RBFOX1: variants seen among roughly 807,000 people sequenced by gnomAD.
RBFOX1 encodes the protein RNA binding protein fox-1 homolog 1.
Under a neutral mutation model 57.7 loss-of-function variants are expected in RBFOX1, and 8 were observed. The observed-to-expected ratio is 0.14, with a 90% confidence interval of 0.08 to 0.25. The LOEUF is 0.25. Ranked by LOEUF, RBFOX1 falls within the 10% of genes least tolerant of loss-of-function variation. The pLI, the probability that RBFOX1 is intolerant of heterozygous loss-of-function variation, is 1.00. For missense variants in RBFOX1, 611 were observed against 548.5 expected (o/e 1.11, Z -1.14); for synonymous variants, 326 against 222.4 (o/e 1.47, Z -4.15).
chr16:7,485,736 C>A (rs902018595), intron 4 of RBFOX1, among the ~76,000 whole-genome samples: 2 of 152,154 alleles, frequency 1.3e-5, no homozygotes, highest in East Asian at 3.8e-4. Context: ...AATGTATGTA[C>A]ATATATGTAT....
At chr16:6,634,010 C>A (rs975561033) in intron 2 of RBFOX1, among the ~76,000 whole-genome samples, 1 of 152,106 alleles carries the variant, frequency 6.6e-6, no homozygotes, top group Non-Finnish European at 1.5e-5. Flanking sequence ...AGTAAGACCC[C>A]ATCTCAAAGA....
At chr16:5,293,789 G>GTTATTT (rs1287031343) in intron 1 of RBFOX1, among the ~76,000 whole-genome samples, 1 of 123,992 alleles carries the variant, frequency 8.1e-6, no homozygotes, top group Non-Finnish European at 1.7e-5. Flanking sequence ...TGGATACAGG[G>GTTATTT]TTATTTTTTG....
At chr16:6,919,131 C>G (rs531578318) in intron 3 of RBFOX1, among the ~76,000 whole-genome samples, 1 of 152,066 alleles carries the variant, frequency 6.6e-6, no homozygotes, top group African/African-American at 2.4e-5. Flanking sequence ...AGGCACCTGC[C>G]ATCGTGCCTG....
intron 4 of RBFOX1, among the ~76,000 whole-genome samples, chr16:7,509,519 C>A (rs1345333904): frequency 1.3e-5 from 2 of 151,522 alleles, no homozygotes; most frequent in South Asian, 2.1e-4. Flanking sequence ...ATCATTGGTC[C>A]CATTAAACAG....
intron 4 of RBFOX1, among the ~76,000 whole-genome samples, chr16:5,953,729 A>T (rs368548709): frequency 5.3e-5 from 7 of 132,280 alleles, no homozygotes; most frequent in East Asian, 2.1e-4. Context: ...TATATATAAA[A>T]AACACATTTT....
At chr16:7,676,860 C>G (rs768332582) in intron 14 of RBFOX1, 22 bp downstream of exon 14, 1 of 1,592,374 alleles carries the variant, frequency 6.3e-7, no homozygotes, top group Non-Finnish European at 8.6e-7. Context: ...CCTTCTTGTG[C>G]TTGACAACTA....
At position 6,940,879 on chromosome 16, in the gene RBFOX1, G is replaced by GTGTTTGTGTGTGTGTGTGTGTGTT. The variant is rs1555653224; in HGVS notation, c.-15-111175_-15-111174insTTGTGTGTGTGTGTGTGTGTTTGT. ...TGTGTGTGTGTGTGTGTGTGTGTGT[G>GTGTTTGTGTGTGTGTGTGTGTGTT]TGTGTGTGTGTTAGAGATGGGGTTT... On this transcript the variant is annotated intron_variant, in intron 3 of 15. Coordinates refer to ENST00000550418, the MANE Select transcript of RBFOX1 (RefSeq NM_018723.4). Among the ~76,000 whole-genome samples, 51 of 138,654 alleles carry GTGTTTGTGTGTGTGTGTGTGTGTT rather than the reference G, an allele frequency of 3.7e-4. 1 individual carries two copies. Among genetic ancestry groups the GTGTTTGTGTGTGTGTGTGTGTGTT allele is most frequent in the African/African-American group, 1.1e-3 (41 of 35,918 alleles). The allele number at this position is 138,654 out of a possible 152,430, so 91.0% of individuals were successfully genotyped here.
At chr16:7,360,360 G>C (rs2097298147) in intron 4 of RBFOX1, among the ~76,000 whole-genome samples, 1 of 152,190 alleles carries the variant, frequency 6.6e-6, no homozygotes, top group Non-Finnish European at 1.5e-5. Flanking sequence ...TGGTGGCTCT[G>C]CTGCTTCATA....
chr16:6,323,410 C>T (rs1041060769), intron 2 of RBFOX1, among the ~76,000 whole-genome samples: 1 of 152,150 alleles, frequency 6.6e-6, no homozygotes, highest in Non-Finnish European at 1.5e-5. Context: ...TGGAGGAGTT[C>T]TGAGGGCATG....
chr16:5,884,427 T>C (rs1238066053), intron 4 of RBFOX1, among the ~76,000 whole-genome samples: 3 of 151,696 alleles, frequency 2.0e-5, no homozygotes, highest in Admixed American at 6.6e-5. Flanking sequence ...TCCACCAAAA[T>C]CCATCTGTTC....
intron 1 of RBFOX1, among the ~76,000 whole-genome samples, chr16:6,125,852 C>T (rs1405797442): frequency 6.6e-6 from 1 of 152,158 alleles, no homozygotes; most frequent in Non-Finnish European, 1.5e-5. Context: ...AACCTTCCTA[C>T]TGATACTGCC....
chr16:7,709,443 A>G, intron 15 of RBFOX1: 3 of 1,377,026 alleles, frequency 2.2e-6, no homozygotes, highest in South Asian at 3.0e-5. Context: ...GTGTCAATGC[A>G]GAACTTTTTT....
At chr16:7,571,488 C>A (rs562626097) in intron 5 of RBFOX1, among the ~76,000 whole-genome samples, 1 of 152,326 alleles carries the variant, frequency 6.6e-6, no homozygotes, top group African/African-American at 2.4e-5. Flanking sequence ...GCAGAGGGAG[C>A]CCCGTGGTTC....
chr16:7,368,791 A>T (rs765053885), intron 4 of RBFOX1, among the ~76,000 whole-genome samples: 3,271 of 151,118 alleles, frequency 0.022, 64 homozygotes, highest in Admixed American at 0.043. Context: ...AAAAAAAAAA[A>T]AAAAATAAAA....
intron 3 of RBFOX1, among the ~76,000 whole-genome samples, chr16:6,798,464 G>T (rs2084604186): frequency 6.6e-6 from 1 of 152,150 alleles, no homozygotes; most frequent in African/African-American, 2.4e-5. Flanking sequence ...GTTTAATTCA[G>T]AATGGCAGGG....
At chr16:6,495,524 C>A (rs1567437087) in intron 2 of RBFOX1, among the ~76,000 whole-genome samples, 2 of 152,212 alleles carry the variant, frequency 1.3e-5, no homozygotes, top group African/African-American at 4.8e-5. Context: ...TTAGAGTAAA[C>A]ATCTATTGAT....
chr16:5,287,470 A>C (rs62017172), intron 1 of RBFOX1, among the ~76,000 whole-genome samples: 3 of 152,076 alleles, frequency 2.0e-5, no homozygotes, highest in Admixed American at 2.0e-4. Flanking sequence ...TAAAATCTAC[A>C]GAGATAAAGG....
intron 3 of RBFOX1, among the ~76,000 whole-genome samples, chr16:6,902,047 A>G (rs561142231): frequency 4.6e-5 from 7 of 152,220 alleles, no homozygotes; most frequent in Non-Finnish European, 1.5e-5. Context: ...TTTACCTGAC[A>G]TATGGAAATA....
intron 1 of RBFOX1, among the ~76,000 whole-genome samples, chr16:6,146,091 G>A (rs902218167): frequency 6.6e-6 from 1 of 152,086 alleles, no homozygotes; most frequent in East Asian, 1.9e-4. Context: ...TTCTAACTAT[G>A]GTGCTTACGT....
Sources: gnomAD v4.1 joint callset for allele counts (sites outside exome capture counted in the v4.1 genomes callset) on GRCh38, gnomAD v4.1.1 for gene constraint, MANE v1.5 for transcripts, NCBI Gene and HGNC (gene_info 2026-07-23, HGNC 2026-07-21) for gene names.